RYR1: variants seen among roughly 807,000 people sequenced by gnomAD.
RYR1 encodes ryanodine receptor 1.
Under a neutral mutation model 583.5 loss-of-function variants are expected in RYR1, and 342 were observed. The ratio of observed to expected loss-of-function variants is 0.59; its 90% confidence interval spans 0.54 to 0.64. RYR1 has a LOEUF of 0.64. Ranked by LOEUF, RYR1 falls within the 30% of genes least tolerant of loss-of-function variation. The probability of loss-of-function intolerance (pLI) is 0.00; values close to 1 mark genes in which losing one functional copy is unlikely to be tolerated. For missense variants in RYR1, 6,032 were observed against 6,917.2 expected (o/e 0.87, Z 4.54); for synonymous variants, 2,791 against 2,822.5 (o/e 0.99, Z 0.35).
intron 97 of RYR1, among the ~76,000 whole-genome samples, chr19:38,576,959 C>T (rs547908808): frequency 6.6e-6 from 1 of 152,082 alleles, no homozygotes; most frequent in Admixed American, 6.5e-5. Flanking sequence ...AATCTCAGCT[C>T]ACTGCAACCT....
In RYR1 at chr19:38,433,700, T is replaced by G; in HGVS notation, c.-130T>G. 1.3e-6 allele frequency: 1 copy of G among 745,998 alleles called. No individual in the cohort carries two copies. Among genetic ancestry groups the G allele is most frequent in the Non-Finnish European group, 2.4e-6 (1 of 423,386 alleles). 46.2% of individuals were successfully genotyped at this position (745,998 alleles called of 1,614,324 possible). On this transcript the variant is annotated 5_prime_UTR_variant, in exon 1 of 106. Coordinates refer to ENST00000359596, the MANE Select transcript of RYR1 (RefSeq NM_000540.3). ...CATGCGTGTACTCCTCGCAGTTCCATCTACCTCGCGGGTGCCTCTGGTGTC... is the reference window on the plus strand; with the variant it reads ...CATGCGTGTACTCCTCGCAGTTCCAGCTACCTCGCGGGTGCCTCTGGTGTC...
rs1168352165 is a variant in RYR1, at chr19:38,469,007, CT to C, written c.3424del (p.Trp1142GlyfsTer10). On this transcript the variant is annotated frameshift_variant, in exon 26 of 106. Coordinates refer to ENST00000359596, the MANE Select transcript of RYR1 (RefSeq NM_000540.3). LOFTEE classifies it high-confidence loss of function. Reference sequence around the variant, plus strand: ...TGGGCAGTGAACCATTTGGGCGCCCCTGGCAGCCGGGCGATGTCGTTGGCTG... The same window carrying C: ...TGGGCAGTGAACCATTTGGGCGCCCCGGCAGCCGGGCGATGTCGTTGGCTG... The part of the protein sequence containing the change: ...HLGSEPFGRP[W>X]QPGDVVGCMI... 4 of 1,614,064 alleles carry C rather than the reference CT, an allele frequency of 2.5e-6. No individual in the cohort carries two copies. The highest frequency in any genetic ancestry group is 2.7e-5 in the African/African-American group (2 of 74,920).
chr19:38,536,986 G>A (rs1174183556), intron 83 of RYR1: 1 of 607,314 alleles, frequency 1.6e-6, no homozygotes, highest in Non-Finnish European at 3.0e-6. Flanking sequence ...CTGTGAACAA[G>A]TCTCTTACCT....
chr19:38,528,913 C>T (rs769450628), intron 75 of RYR1, 38 bp from the exon 76 acceptor site: 1 of 1,597,506 alleles, frequency 6.3e-7, no homozygotes, highest in South Asian at 1.1e-5. Flanking sequence ...GGAGGGGACT[C>T]TAGAAACCCT....
intron 49 of RYR1, among the ~76,000 whole-genome samples, chr19:38,503,410 TAA>T (rs147894633): frequency 0.058 from 8,881 of 152,252 alleles, 319 homozygotes; most frequent in East Asian, 0.14. Flanking sequence ...CTAATTTGCA[TAA>T]AGAGATACCC....
intron 7 of RYR1, among the ~76,000 whole-genome samples, chr19:38,446,211 T>C (rs1448795453): frequency 6.6e-6 from 1 of 151,814 alleles, no homozygotes; most frequent in Non-Finnish European, 1.5e-5. Context: ...AATGACAGAC[T>C]CACAACTCCC....
Position 38,486,201 on chromosome 19 carries a change from T to C in RYR1, c.5546T>C (p.Leu1849Pro), listed in dbSNP as rs1461208146. The change falls in exon 34 of 106, where the codon CTG becomes CCG. Residue 1849 changes from leucine to proline, a missense_variant and splice_region_variant. Leu to Pro is a moderately conservative substitution (Grantham distance 98). Coordinates refer to ENST00000359596, the MANE Select transcript of RYR1 (RefSeq NM_000540.3). ...GTGCTCAAGCTCGTGTCCACCCTGC[T>C]GGTAATGGCTTCCTCCTGCTTTCCT... is the stretch of plus-strand genomic sequence containing the variant. Reference protein sequence around the residue: ...VPVLKLVSTLLVMGIFGDEDV... With the variant: ...VPVLKLVSTLPVMGIFGDEDV... 5 of 1,612,744 alleles carry C rather than the reference T, an allele frequency of 3.1e-6. No individual in the cohort carries two copies. The highest frequency in any genetic ancestry group is 1.3e-5 in the African/African-American group (1 of 74,926).
intron 99 of RYR1, among the ~76,000 whole-genome samples, chr19:38,579,671 T>C (rs1303161467): frequency 6.7e-6 from 1 of 149,168 alleles, no homozygotes; most frequent in African/African-American, 2.5e-5. Flanking sequence ...ACTCCTGACC[T>C]CAAGTGATGC....
rs749931069 is a variant in RYR1, at chr19:38,561,319, G to A, written c.12489G>A (p.Leu4163=). ...ATGACCCTCGCCTGCACAACTTCCT[G>A]GAGCTGGCCGAGAGCATCCTTGAGT... ...VPHDPRLHNF[L]ELAESILEYF... is the part of the protein sequence containing the mutation. The change falls in exon 90 of 106, where the codon CTG becomes CTA. Residue 4163 remains leucine (L), a synonymous_variant. Transcript: ENST00000359596. This position sits in a 1 kb window ranked among gnomAD's most constrained non-coding sequence, Gnocchi z 4.8. 2.5e-6 allele frequency: 4 copies of A among 1,613,912 alleles called. No homozygotes were observed. Among genetic ancestry groups the A allele is most frequent in the Non-Finnish European group, 2.5e-6 (3 of 1,180,036 alleles).
intron 96 of RYR1, among the ~76,000 whole-genome samples, 189 bp from the exon 97 acceptor site, chr19:38,575,730 G>A (rs1285734197): frequency 6.6e-6 from 1 of 152,168 alleles, no homozygotes; most frequent in Non-Finnish European, 1.5e-5. Context: ...TTGAACCTGG[G>A]AGGCAAAGTT....
intron 11 of RYR1, among the ~76,000 whole-genome samples, chr19:38,449,070 T>TGG (rs1232736740): frequency 6.6e-6 from 1 of 151,202 alleles, no homozygotes; most frequent in African/African-American, 2.4e-5. Flanking sequence ...TATATCTACA[T>TGG]GGAGAGAGAG....
intron 23 of RYR1, 95 bp from the exon 24 acceptor site, chr19:38,465,996 C>G: frequency 3.3e-6 from 4 of 1,222,428 alleles, no homozygotes; most frequent in Non-Finnish European, 4.7e-6. Context: ...AACGCCGAAG[C>G]TGGGACAAGG....
At chr19:38,537,147 C>A (rs180938605) in intron 83 of RYR1, 3 of 320,088 alleles carry the variant, frequency 9.4e-6, no homozygotes, top group Non-Finnish European at 1.8e-5. Context: ...CTCTCTGCAC[C>A]CCGACCTCAG....
chr19:38,438,132 C>T (rs1972506514), intron 1 of RYR1, among the ~76,000 whole-genome samples: 1 of 151,898 alleles, frequency 6.6e-6, no homozygotes, highest in Non-Finnish European at 1.5e-5. Context: ...ACCCAGACTC[C>T]CTCCTCTTAC....
chr19:38,492,426 G>C, intron 37 of RYR1, 64 bp from the exon 38 acceptor site: 1 of 1,549,514 alleles, frequency 6.5e-7, no homozygotes, highest in Non-Finnish European at 8.9e-7. Context: ...AAATAAATGA[G>C]TGTGTAAGCA....
At chr19:38,557,972 T>G (rs1428099937) in intron 89 of RYR1, among the ~76,000 whole-genome samples, 1 of 151,660 alleles carries the variant, frequency 6.6e-6, no homozygotes, top group East Asian at 1.9e-4. Flanking sequence ...AGAGTGAGAC[T>G]CTCTCAAAAA....
In RYR1 at chr19:38,477,746, C is replaced by T. The variant is rs757223728; in HGVS notation, c.4330C>T (p.Pro1444Ser). The T allele has an allele frequency of 1.2e-6, 2 of 1,614,150 alleles. No individual in the cohort carries two copies. Among genetic ancestry groups the T allele is most frequent in the South Asian group, 1.1e-5 (1 of 91,078 alleles). The change falls in exon 30 of 106, where the codon CCC becomes TCC. Residue 1444 changes from proline to serine, a missense_variant. Pro to Ser is a moderately conservative substitution (Grantham distance 74). Around this residue, in one of 11 missense-constraint regions of RYR1, gnomAD observed 2,627 missense variants for 2,961.3 expected, o/e 0.89. Coordinates refer to ENST00000359596, the MANE Select transcript of RYR1 (RefSeq NM_000540.3). ...CGTGAGGGTCTTTGCTGGACAGGAG[C>T]CCAGCTGCGTGTGGGCGGGCTGGGT... ...YSVRVFAGQE[P>S]SCVWAGWVTP...
chr19:38,499,756 C>A lies in RYR1; in HGVS notation c.7149C>A (p.Ala2383=). The change falls in exon 44 of 106, where the codon GCC becomes GCA. Residue 2383 remains alanine (A), a synonymous_variant. Coordinates refer to ENST00000359596, the MANE Select transcript of RYR1 (RefSeq NM_000540.3). The surrounding 1 kb of genome is among the most constrained non-coding windows in gnomAD (Gnocchi z 7.3). ...GSGLLAAIEE[A]IRISEDPARD... is the part of the protein sequence containing the mutation. ...GGCTGCTGGCTGCCATCGAAGAGGC[C>A]ATCCGCATCTCCGAGGACCCTGCGA... is the stretch of plus-strand genomic sequence containing the variant. The A allele has an allele frequency of 6.2e-7, 1 of 1,602,150 alleles. No homozygotes were observed.
rs1969288588 is a variant in RYR1, at chr19:38,486,221, T to G, written c.5547+19T>G. On this transcript the variant is annotated intron_variant, in intron 34 of 105. Transcript: ENST00000359596. ...CCTGCTGGTAATGGCTTCCTCCTGC[T>G]TTCCTCTGTCCCATTCTTCTCCCAC... 6.2e-7 allele frequency: 1 copy of G among 1,612,562 alleles called. No individual in the cohort carries two copies. Among genetic ancestry groups the G allele is most frequent in the Non-Finnish European group, 8.5e-7 (1 of 1,179,944 alleles).
Sources: allele counts gnomAD v4.1 joint callset (sites outside exome capture counted in the v4.1 genomes callset), GRCh38; gene constraint gnomAD v4.1.1; regional missense constraint gnomAD v4.1.1; non-coding constraint Gnocchi (gnomAD v3.1); transcripts MANE v1.5; gene names NCBI Gene and HGNC (gene_info 2026-07-23, HGNC 2026-07-21).